The following ASZ1 variants were observed in gnomAD, a reference collection of about 807,000 sequenced individuals.
ASZ1 encodes the protein ankyrin repeat, SAM and basic leucine zipper domain containing 1.
A neutral mutation model predicts 61.8 loss-of-function variants in ASZ1; 67 were observed. The ratio of observed to expected loss-of-function variants is 1.08; its 90% confidence interval spans 0.89 to 1.33. ASZ1 has a LOEUF of 1.33. ASZ1 is among the 40% of genes most tolerant of loss of function. ASZ1 has a pLI of 0.00. For missense variants in ASZ1, 577 were observed against 554.5 expected (o/e 1.04, Z -0.41); for synonymous variants, 193 against 192.7 (o/e 1.00, Z -0.01).
chr7:117,367,679 T>A, intron 11 of ASZ1: 1 of 1,009,452 alleles, frequency 9.9e-7, no homozygotes, highest in South Asian at 4.8e-5. Context: ...TATGTATATA[T>A]AACTTTCTAT....
chr7:117,419,182 T>C (rs889225721), intron 4 of ASZ1, among the ~76,000 whole-genome samples: 14 of 152,306 alleles, frequency 9.2e-5, no homozygotes, highest in African/African-American at 3.1e-4. Flanking sequence ...ATCCACTAGG[T>C]ACCAGTAGTA....
At position 117,385,710 on chromosome 7, in the gene ASZ1, C is replaced by T; in HGVS notation, c.540G>A (p.Glu180=). 1 of 1,604,984 alleles carries T rather than the reference C, an allele frequency of 6.2e-7. No homozygotes were observed. The highest frequency in any genetic ancestry group is 8.5e-7 in the Non-Finnish European group (1 of 1,171,992). The change falls in exon 5 of 13, where the codon GAG becomes GAA. Residue 180 remains glutamate, a synonymous_variant. Coordinates refer to ENST00000284629, the MANE Select transcript of ASZ1 (RefSeq NM_130768.3). ...AHGAEVNTQD[E]NGYTALTWAA... ...AAATGTTTCTCACAGTGTAACCATT[C>T]TCATCCTGGGTATTAACTTCTGCTC...
intron 4 of ASZ1, among the ~76,000 whole-genome samples, chr7:117,419,552 AAG>A (rs1299291225): frequency 4.6e-5 from 7 of 152,218 alleles, no homozygotes; most frequent in Non-Finnish European, 7.3e-5. Flanking sequence ...ATGAAACACA[AAG>A]AGAGATTTAA....
chr7:117,379,152 TATATATATATATATATACACACACACAC>T (rs1201439474), intron 10 of ASZ1, among the ~76,000 whole-genome samples: 6 of 102,416 alleles, frequency 5.9e-5, no homozygotes, highest in African/African-American at 2.8e-4. Context: ...TATATATATA[TATATATATATATATATACACACACACAC>T]ACACACACAC....
chr7:117,387,623 C>T (rs2116478439), intron 4 of ASZ1, among the ~76,000 whole-genome samples: 1 of 152,266 alleles, frequency 6.6e-6, no homozygotes, highest in Admixed American at 6.5e-5. Context: ...ATTAGCCCTG[C>T]CTTCATAATC....
At chr7:117,414,143 A>T (rs1458074576) in intron 4 of ASZ1, among the ~76,000 whole-genome samples, 2 of 152,166 alleles carry the variant, frequency 1.3e-5, no homozygotes, top group Non-Finnish European at 2.9e-5. Flanking sequence ...GTAATATTTG[A>T]AGAAACGATA....
chr7:117,365,416 C>G (rs745680491), intron 12 of ASZ1, among the ~76,000 whole-genome samples: 1 of 152,094 alleles, frequency 6.6e-6, no homozygotes, highest in Non-Finnish European at 1.5e-5. Flanking sequence ...GTTTCTATAG[C>G]AAAGTTTCTT....
chr7:117,383,355 A>T (rs1584724238), intron 6 of ASZ1, among the ~76,000 whole-genome samples: 1 of 152,040 alleles, frequency 6.6e-6, no homozygotes, highest in African/African-American at 2.4e-5. Flanking sequence ...TAAACAAATC[A>T]GGGTAATTGG....
chr7:117,382,330 G>A (rs1441281176), intron 7 of ASZ1, among the ~76,000 whole-genome samples, 186 bp from the exon 8 acceptor site: 2 of 152,080 alleles, frequency 1.3e-5, no homozygotes, highest in Non-Finnish European at 2.9e-5. Flanking sequence ...GATATATGAG[G>A]AGTATAACTC....
Position 117,381,053 on chromosome 7 carries a change from C to T in ASZ1, c.903G>A (p.Thr301=), listed in dbSNP as rs142082886. ...CCCTCATGGTCAAAAGATGTCTTAA[C>T]GTTATATCCCTTTCCTGTATAAAAG... ...MTDLLKERDI[T]LRHLLTMRED... The change falls in exon 9 of 13, where the codon ACG becomes ACA. Residue 301 remains threonine (T), a synonymous_variant. Coordinates refer to ENST00000284629, the MANE Select transcript of ASZ1 (RefSeq NM_130768.3). 1.9e-4 allele frequency: 303 copies of T among 1,595,248 alleles called. No homozygotes were observed. Among genetic ancestry groups the T allele is most frequent in the Admixed American group, 2.5e-4 (14 of 56,898 alleles).
At chr7:117,374,638 A>G (rs1796105696) in intron 10 of ASZ1, among the ~76,000 whole-genome samples, 1 of 152,068 alleles carries the variant, frequency 6.6e-6, no homozygotes, top group African/African-American at 2.4e-5. Context: ...GTATTAGTAG[A>G]AAAATAAAAT....
At chr7:117,385,574 C>CT in intron 5 of ASZ1, 124 bp downstream of exon 5, 3 of 824,666 alleles carry the variant, frequency 3.6e-6, no homozygotes, top group Non-Finnish European at 5.6e-6. Flanking sequence ...TCAACTGTTG[C>CT]TTTTTTTCAC....
chr7:117,397,293 CA>C (rs1243869312), intron 4 of ASZ1, among the ~76,000 whole-genome samples: 1 of 151,974 alleles, frequency 6.6e-6, no homozygotes, highest in Non-Finnish European at 1.5e-5. Flanking sequence ...ATCCAATATA[CA>C]AAAGATTCTT....
chr7:117,426,995 A>G, intron 1 of ASZ1, 60 bp from the exon 2 acceptor site: 1 of 1,453,724 alleles, frequency 6.9e-7, no homozygotes. Flanking sequence ...CCACCTCATC[A>G]GGAAACAATA....
At chr7:117,408,216 C>T (rs1295039055) in intron 4 of ASZ1, among the ~76,000 whole-genome samples, 3 of 152,158 alleles carry the variant, frequency 2.0e-5, no homozygotes, top group African/African-American at 7.2e-5. Context: ...CCGTCCCCCA[C>T]AACCAGTCAT....
In ASZ1 at chr7:117,409,510, T is replaced by G. The variant is rs550319916; in HGVS notation, c.440+10653A>C. Among the ~76,000 whole-genome samples the G allele has an allele frequency of 3.2e-4, 49 of 151,838 alleles. 1 individual carries two copies. The highest frequency in any genetic ancestry group is 3.2e-3 in the Admixed American group (49 of 15,234). ...CCAGCCAAAAAGGGATAAAGAAAAA[T>G]GAATTCTACTATATGTTCAGGAAGA... On this transcript the variant is annotated intron_variant, in intron 4 of 12. Coordinates refer to ENST00000284629, the MANE Select transcript of ASZ1 (RefSeq NM_130768.3).
intron 4 of ASZ1, among the ~76,000 whole-genome samples, chr7:117,407,469 G>T (rs1194501351): frequency 6.6e-6 from 1 of 151,224 alleles, no homozygotes; most frequent in Non-Finnish European, 1.5e-5. Flanking sequence ...TATGCTCCAA[G>T]ACCCCCAGTG....
intron 2 of ASZ1, among the ~76,000 whole-genome samples, chr7:117,425,259 CTTTTTTTTTTTT>C (rs71148368): frequency 2.1e-5 from 2 of 93,858 alleles, no homozygotes; most frequent in Non-Finnish European, 4.0e-5. Context: ...TGAGTAATTT[CTTTTTTTTTTTT>C]TTTTTTTTTT....
intron 7 of ASZ1, 53 bp from the exon 8 acceptor site, chr7:117,382,197 C>G (rs879563904): frequency 9.6e-7 from 1 of 1,045,430 alleles, no homozygotes; most frequent in Non-Finnish European, 1.5e-6. Flanking sequence ...AATGCACAAG[C>G]GATAAATATA....
Sources: gnomAD v4.1 joint callset for allele counts (sites outside exome capture counted in the v4.1 genomes callset) on GRCh38, gnomAD v4.1.1 for gene constraint, MANE v1.5 for transcripts, NCBI Gene and HGNC (gene_info 2026-07-23, HGNC 2026-07-21) for gene names.